LARGE1: variants seen among roughly 807,000 people sequenced by gnomAD.
LARGE1 encodes LARGE xylosyl- and glucuronyltransferase 1.
Under a neutral mutation model 87.6 loss-of-function variants are expected in LARGE1, and 43 were observed. That is an observed-to-expected ratio of 0.49 (90% confidence interval 0.38 to 0.63). The LOEUF is 0.63. Ranked by LOEUF, LARGE1 falls within the 30% of genes least tolerant of loss-of-function variation. The pLI is 0.00. For synonymous variants in LARGE1, 434 were observed against 394.6 expected, an observed-to-expected ratio of 1.10 and a Z score of -1.18; for missense variants, 802 against 1,000.2, an observed-to-expected ratio of 0.80 and a Z score of 2.67.
chr22:33,848,875 T>C (rs1431281790), intron 1 of LARGE1, among the ~76,000 whole-genome samples: 4 of 151,930 alleles, frequency 2.6e-5, no homozygotes, highest in Non-Finnish European at 5.9e-5. Flanking sequence ...ATATTCACTA[T>C]CTCCTAAAGC....
At chr22:33,493,230 G>A (rs1430987816) in intron 6 of LARGE1, among the ~76,000 whole-genome samples, 4 of 145,548 alleles carry the variant, frequency 2.7e-5, no homozygotes, top group African/African-American at 7.7e-5. Context: ...GTGCGATCTC[G>A]GCTCGCTGCA....
chr22:33,383,395 A>C (rs2065220258), intron 8 of LARGE1, among the ~76,000 whole-genome samples: 1 of 152,090 alleles, frequency 6.6e-6, no homozygotes, highest in South Asian at 2.1e-4. Context: ...CCCCATCTCT[A>C]CTAAAAATAC....
Position 33,432,330 on chromosome 22 carries a change from T to C in LARGE1, c.788-65A>G, listed in dbSNP as rs80069366. 3,882 of 1,212,364 alleles carry C rather than the reference T, an allele frequency of 3.2e-3. 90 individuals carry two copies. The African/African-American group carries it at 0.046, about 14-fold the overall frequency. The allele number at this position is 1,212,364 out of a possible 1,614,324, so 75.1% of individuals were successfully genotyped here. ...GCCAAGCCATCTGGATCAGTGACTA[T>C]TGAAGACACAGGGTAATGGCAAATC... On this transcript the variant is annotated intron_variant, in intron 6 of 14. Coordinates refer to ENST00000397394, the MANE Select transcript of LARGE1 (RefSeq NM_133642.5).
the LARGE1 span, among the ~76,000 whole-genome samples, chr22:33,069,656 A>G: frequency 6.6e-6 from 1 of 152,208 alleles, no homozygotes; most frequent in African/African-American, 2.4e-5. Flanking sequence ...CTGGTACACC[A>G]TAAGTACCCT....
chr22:33,229,747 G>A lies in LARGE1; in HGVS notation c.1731-62915C>T, dbSNP rs529441320. Among the ~76,000 whole-genome samples the A allele has an allele frequency of 6.2e-4, 94 of 152,128 alleles. 1 individual carries two copies. Among genetic ancestry groups the A allele is most frequent in the African/African-American group, 2.2e-3 (93 of 41,528 alleles). ...AGTAGGCAATATTTGGCGAGACAAT[G>A]GCCAATAATTTTTCTGAGTGGAAAA... On this transcript the variant is annotated intron_variant, in intron 11 of 11. Coordinates refer to the LARGE1 transcript ENST00000608642.
chr22:33,498,746 C>T (rs557987652), intron 6 of LARGE1, among the ~76,000 whole-genome samples: 2 of 152,130 alleles, frequency 1.3e-5, no homozygotes, highest in East Asian at 1.9e-4. Context: ...CCGAGGTGGG[C>T]GGATCACGAG....
chr22:33,357,736 G>C (rs1941026837), intron 9 of LARGE1, among the ~76,000 whole-genome samples: 1 of 133,506 alleles, frequency 7.5e-6, no homozygotes, highest in Non-Finnish European at 1.8e-5. Flanking sequence ...AGAGGTTGAG[G>C]GGGGCCGAGA....
the LARGE1 span, among the ~76,000 whole-genome samples, chr22:33,099,517 G>A: frequency 7.2e-5 from 11 of 152,290 alleles, no homozygotes; most frequent in African/African-American, 2.6e-4. Context: ...CTCCCAAAGT[G>A]CTGGGATTAC....
At chr22:33,498,870 G>C (rs2070288172) in intron 6 of LARGE1, among the ~76,000 whole-genome samples, 1 of 152,158 alleles carries the variant, frequency 6.6e-6, no homozygotes, top group African/African-American at 2.4e-5. Flanking sequence ...TACTTGGGAA[G>C]CTGAGGCAGG....
chr22:33,713,468 G>A (rs62225399), intron 2 of LARGE1, among the ~76,000 whole-genome samples: 1,649 of 152,228 alleles, frequency 0.011, 17 homozygotes, highest in Non-Finnish European at 0.017. Flanking sequence ...TTCATTCCGC[G>A]GTCGCTGGTG....
intron 7 of LARGE1, among the ~76,000 whole-genome samples, chr22:33,421,539 C>T (rs1188058227): frequency 1.3e-5 from 2 of 152,212 alleles, no homozygotes; most frequent in Non-Finnish European, 2.9e-5. Flanking sequence ...AGAGGCCAGA[C>T]ATACTGCAGG....
intron 11 of LARGE1, among the ~76,000 whole-genome samples, chr22:33,226,798 C>T (rs1038901349): frequency 1.3e-5 from 2 of 151,730 alleles, no homozygotes; most frequent in Non-Finnish European, 2.9e-5. Context: ...GGCACAATCT[C>T]GGCTCACTGC....
chr22:33,628,613 G>A (rs199719476), intron 3 of LARGE1, among the ~76,000 whole-genome samples: 1,755 of 152,166 alleles, frequency 0.012, 26 homozygotes, highest in African/African-American at 0.04. Flanking sequence ...ATCGCACCCC[G>A]CCTAGAATAG....
At chr22:33,785,842 G>A (rs929572703) in intron 1 of LARGE1, among the ~76,000 whole-genome samples, 1 of 152,156 alleles carries the variant, frequency 6.6e-6, no homozygotes, top group Non-Finnish European at 1.5e-5. Flanking sequence ...GCTGTCAAGA[G>A]AGAAAGGAAA....
chr22:33,495,742 C>CA, intron 6 of LARGE1, among the ~76,000 whole-genome samples: 1 of 151,916 alleles, frequency 6.6e-6, no homozygotes, highest in East Asian at 1.9e-4. Flanking sequence ...CAGAACAAAA[C>CA]AAAAAAACTA....
intron 3 of LARGE1, among the ~76,000 whole-genome samples, chr22:33,633,025 TCCTGA>T (rs2080157452): frequency 6.6e-6 from 1 of 152,168 alleles, no homozygotes; most frequent in South Asian, 2.1e-4. Flanking sequence ...CTGGGTTCAT[TCCTGA>T]CCCCACTGGG....
chr22:33,688,079 T>G (rs1271825538), intron 2 of LARGE1, among the ~76,000 whole-genome samples: 1 of 152,134 alleles, frequency 6.6e-6, no homozygotes, highest in East Asian at 1.9e-4. Flanking sequence ...ATGTCAGGAT[T>G]TAAATGCAAC....
intron 6 of LARGE1, among the ~76,000 whole-genome samples, chr22:33,508,930 T>C (rs2070903668): frequency 6.6e-6 from 1 of 152,206 alleles, no homozygotes; most frequent in Admixed American, 6.5e-5. Context: ...TTAGTGCTAA[T>C]TACTAACAAC....
intron 2 of LARGE1, chr22:33,743,282 C>A: frequency 6.6e-6 from 1 of 152,206 alleles, no homozygotes. Flanking sequence ...CTTAATATAC[C>A]CAGGTAGGAG....
Sources: allele counts gnomAD v4.1 joint callset (sites outside exome capture counted in the v4.1 genomes callset), GRCh38; gene constraint gnomAD v4.1.1; transcripts MANE v1.5; gene names NCBI Gene and HGNC (gene_info 2026-07-23, HGNC 2026-07-21).